RAD52: variants seen among roughly 807,000 people sequenced by gnomAD.
RAD52 encodes RAD52 DNA repair protein, also known as DNA repair protein RAD52 homolog.
A neutral mutation model predicts 55.5 loss-of-function variants in RAD52; 47 were observed. The observed-to-expected ratio is 0.85, with a 90% CI of 0.67 to 1.08. RAD52 has a LOEUF of 1.08. Ranked by LOEUF, RAD52 falls within the 50% of genes least tolerant of loss-of-function variation. The pLI, the probability that RAD52 is intolerant of heterozygous loss-of-function variation, is 0.00. For missense variants in RAD52, 468 were observed against 522.8 expected (o/e 0.90, Z 1.02); for synonymous variants, 184 against 198.9 (o/e 0.92, Z 0.63).
chr12:929,437 T>A (rs4766376), intron 5 of RAD52, among the ~76,000 whole-genome samples: 128,367 of 151,702 alleles, frequency 0.85, 54,410 homozygotes, highest in African/African-American at 0.89. Flanking sequence ...TAACAAAACA[T>A]ATTTTTGTTT....
intron 1 of RAD52, among the ~76,000 whole-genome samples, chr12:965,252 C>T (rs1958744538): frequency 6.6e-6 from 1 of 152,070 alleles, no homozygotes; most frequent in Non-Finnish European, 1.5e-5. Flanking sequence ...GCTGGGATTA[C>T]AGGCGTGAGC....
intron 5 of RAD52, among the ~76,000 whole-genome samples, chr12:928,223 A>G (rs1341194238): frequency 6.6e-6 from 1 of 152,208 alleles, no homozygotes; most frequent in Non-Finnish European, 1.5e-5. Context: ...CATTCAAGAA[A>G]TAAGTAGGCC....
chr12:953,453 C>A (rs1445718180), upstream of RAD52, among the ~76,000 whole-genome samples: 7 of 152,172 alleles, frequency 4.6e-5, no homozygotes, highest in East Asian at 9.6e-4. Flanking sequence ...AGTATCCTCC[C>A]CTGCTGTGAG....
At chr12:947,745 G>C (rs112488759) in intron 1 of RAD52, among the ~76,000 whole-genome samples, 761 of 135,652 alleles carry the variant, frequency 5.6e-3, no homozygotes, top group African/African-American at 7.9e-3. Context: ...AAAATTAGCC[G>C]GGCATAGTGG....
At chr12:938,242 T>A (rs1021635603) in intron 1 of RAD52, among the ~76,000 whole-genome samples, 15 of 152,208 alleles carry the variant, frequency 9.9e-5, no homozygotes, top group African/African-American at 3.1e-4. Context: ...GAAGGTCCCA[T>A]CATTGAGGTA....
rs1346923803 is a variant in RAD52 at position 912,968 on chromosome 12, C to T, written c.*423G>A. On this transcript the variant is annotated 3_prime_UTR_variant, in exon 12 of 12. Transcript: ENST00000358495. ...ATGTGGGCAACATTAAAGGCATGGA[C>T]CGTAAAGGAAAGAAGGCAGACGTTA... The T allele has an allele frequency of 4.9e-6, 1 of 203,000 alleles. No homozygotes were observed. Among genetic ancestry groups the T allele is most frequent in the Non-Finnish European group, 9.8e-6 (1 of 102,176 alleles). 12.6% of individuals were successfully genotyped at this position (203,000 alleles called of 1,614,324 possible). A position where few individuals can be genotyped will look rare whatever the true frequency, so the allele number is the denominator to read the frequency against.
At chr12:946,752 G>A (rs1436511167) in intron 1 of RAD52, among the ~76,000 whole-genome samples, 2 of 152,218 alleles carry the variant, frequency 1.3e-5, no homozygotes, top group Non-Finnish European at 1.5e-5. Flanking sequence ...CAGGAAGGCA[G>A]AGTGTCACCT....
chr12:913,423 C>T lies in RAD52; in HGVS notation c.1225G>A (p.Asp409Asn). Residue 409 changes from aspartate (D) to asparagine (N), a missense_variant, in exon 12 of 12, where the codon GAC (aspartate) becomes AAC (asparagine). Coordinates refer to ENST00000358495, the MANE Select transcript of RAD52 (RefSeq NM_134424.4). ...GGATCATATTTCCTTTTCTTCATGT[C>T]CTGGCTCTTCCTATGAGATTCCCAG... ...GNWESHRKSQ[D>N]MKKRKYDPS The T allele has an allele frequency of 6.2e-7, 1 of 1,608,064 alleles. No individual in the cohort carries two copies. The highest frequency in any genetic ancestry group is 8.5e-7 in the Non-Finnish European group (1 of 1,174,662).
At chr12:960,943 A>T (rs1303590217) in intron 1 of RAD52, among the ~76,000 whole-genome samples, 1 of 152,170 alleles carries the variant, frequency 6.6e-6, no homozygotes, top group Non-Finnish European at 1.5e-5. Context: ...AGAGTAAAGT[A>T]TAAAGAGAAG....
chr12:962,333 G>GCTTT (rs1375556388), intron 1 of RAD52, among the ~76,000 whole-genome samples: 1 of 57,382 alleles, frequency 1.7e-5, no homozygotes, highest in Non-Finnish European at 4.9e-5. Context: ...CATCTGCCAC[G>GCTTT]CTTTCTTTCC....
intron 1 of RAD52, among the ~76,000 whole-genome samples, chr12:972,379 C>A (rs1292854992): frequency 6.6e-6 from 1 of 151,954 alleles, no homozygotes; most frequent in Non-Finnish European, 1.5e-5. Flanking sequence ...CATAGGGGCA[C>A]CAGGGAAGGC....
At chr12:922,212 A>AAC (rs1473351738) in intron 7 of RAD52, among the ~76,000 whole-genome samples, 1 of 151,370 alleles carries the variant, frequency 6.6e-6, no homozygotes, top group Admixed American at 6.6e-5. Context: ...AAAAAAAAAA[A>AAC]ACCAAAAACT....
chr12:985,061 G>A (rs1279872969), intron 1 of RAD52, among the ~76,000 whole-genome samples: 14 of 150,610 alleles, frequency 9.3e-5, no homozygotes, highest in East Asian at 2.0e-4. Flanking sequence ...CGCCTGCCTC[G>A]GCCCCCCAAA....
At chr12:936,485 T>TAAAAA (rs71055107) in intron 1 of RAD52, among the ~76,000 whole-genome samples, 3 of 134,382 alleles carry the variant, frequency 2.2e-5, no homozygotes, top group Non-Finnish European at 1.6e-5. Context: ...ATTATAAAAG[T>TAAAAA]AAAAAAAAAA....
chr12:925,751 C>T (rs1956998144), intron 6 of RAD52, among the ~76,000 whole-genome samples: 1 of 152,108 alleles, frequency 6.6e-6, no homozygotes, highest in Non-Finnish European at 1.5e-5. Context: ...CCTGCCCTCA[C>T]AGAGAAGATG....
intron 1 of RAD52, among the ~76,000 whole-genome samples, chr12:967,208 G>A (rs528472401): frequency 3.3e-5 from 5 of 151,770 alleles, no homozygotes; most frequent in African/African-American, 1.2e-4. Context: ...GTGAAACCCC[G>A]TTTCTACTGA....
chr12:986,221 G>A (rs751254874), intron 1 of RAD52, among the ~76,000 whole-genome samples: 1 of 148,962 alleles, frequency 6.7e-6, no homozygotes, highest in Non-Finnish European at 1.5e-5. Context: ...GGTGTGAGCC[G>A]CCGCACCTGG....
At position 912,892 on chromosome 12, in the gene RAD52, T is replaced by A; in HGVS notation, c.*499A>T. 1 of 198,118 alleles carries A rather than the reference T, an allele frequency of 5.0e-6. No homozygotes were observed. The highest frequency in any genetic ancestry group is 2.3e-5 in the African/African-American group (1 of 43,524). 12.3% of individuals were successfully genotyped at this position (198,118 alleles called of 1,614,324 possible). ...GATTGTAGCCTGGATTGATACAAAG[T>A]AGTGAAAAGCACTGCTCCAACCTTT... On this transcript the variant is annotated 3_prime_UTR_variant, in exon 12 of 12. Transcript: ENST00000358495.
At chr12:935,066 G>C (rs1015674407) in intron 1 of RAD52, among the ~76,000 whole-genome samples, 14 of 152,236 alleles carry the variant, frequency 9.2e-5, no homozygotes, top group African/African-American at 2.6e-4. Flanking sequence ...AGTGAACTGA[G>C]ATTGTGCCAC....
Sources: allele counts gnomAD v4.1 joint callset (sites outside exome capture counted in the v4.1 genomes callset), GRCh38; gene constraint gnomAD v4.1.1; transcripts MANE v1.5; gene names NCBI Gene and HGNC (gene_info 2026-07-23, HGNC 2026-07-21).